The following CNTNAP2 variants were observed in gnomAD, a reference collection of about 807,000 sequenced individuals.
The protein encoded by CNTNAP2 is contactin associated protein 2, also known as contactin-associated protein-like 2.
CNTNAP2 carries 98 observed loss-of-function variants against 155.2 expected under a neutral mutation model. The observed-to-expected ratio is 0.63, with a 90% confidence interval of 0.54 to 0.75. CNTNAP2 has a LOEUF of 0.75. Among genes scored for constraint, CNTNAP2 ranks in the 30% least tolerant of loss-of-function variants. The probability of loss-of-function intolerance (pLI) is 0.00; values close to 1 mark genes in which losing one functional copy is unlikely to be tolerated. For missense variants in CNTNAP2, 1,727 were observed against 1,688.1 expected, an observed-to-expected ratio of 1.02 and a Z score of -0.40; for synonymous variants, 651 against 631.2, an observed-to-expected ratio of 1.03 and a Z score of -0.47.
intron 1 of CNTNAP2, among the ~76,000 whole-genome samples, chr7:146,357,637 A>C (rs1795018555): frequency 6.6e-6 from 1 of 152,224 alleles, no homozygotes; most frequent in South Asian, 2.1e-4. Flanking sequence ...TAGGAAAACA[A>C]AATGTCTCTA....
rs115544188 is a variant in CNTNAP2 at position 147,138,377 on chromosome 7, T to C, written c.1348+5868T>C. 3.7e-3 allele frequency among the ~76,000 whole-genome samples: 557 copies of C among 152,056 alleles called. 3 individuals are homozygous for C. Among genetic ancestry groups the C allele is most frequent in the African/African-American group, 0.013 (539 of 41,520 alleles). ...TAGAAATAAGATACCCTTGGACATA[T>C]CTAAAACATATTTTGCTGATTTTAT... On this transcript the variant is annotated intron_variant, in intron 8 of 23. Coordinates refer to ENST00000361727, the MANE Select transcript of CNTNAP2 (RefSeq NM_014141.6).
chr7:146,403,329 G>T (rs977845160), intron 1 of CNTNAP2, among the ~76,000 whole-genome samples: 1 of 152,032 alleles, frequency 6.6e-6, no homozygotes, highest in South Asian at 2.1e-4. Context: ...GACTAACAAA[G>T]TTTGGGTCAT....
intron 4 of CNTNAP2, among the ~76,000 whole-genome samples, chr7:147,084,427 A>G (rs1378485799): frequency 7.8e-6 from 1 of 128,702 alleles, no homozygotes; most frequent in Non-Finnish European, 1.6e-5. Flanking sequence ...GCATAATGCT[A>G]TATATGTATA....
chr7:146,853,087 C>T (rs965019527), intron 3 of CNTNAP2, among the ~76,000 whole-genome samples: 3 of 152,100 alleles, frequency 2.0e-5, no homozygotes, highest in East Asian at 3.9e-4. Flanking sequence ...ATAAAAGAAA[C>T]CAGACCAATA....
intron 20 of CNTNAP2, among the ~76,000 whole-genome samples, chr7:148,262,570 A>C (rs1351081011): frequency 1.3e-5 from 2 of 151,820 alleles, no homozygotes; most frequent in Non-Finnish European, 2.9e-5. Flanking sequence ...GCCCTTCCTC[A>C]CGTCACTCTA....
chr7:147,476,353 C>A (rs1201272223), intron 10 of CNTNAP2, among the ~76,000 whole-genome samples: 1 of 152,028 alleles, frequency 6.6e-6, no homozygotes, highest in Non-Finnish European at 1.5e-5. Flanking sequence ...GATCCGCCCA[C>A]CTCAGCCTCC....
At chr7:146,769,089 A>G (rs1802249149) in intron 1 of CNTNAP2, among the ~76,000 whole-genome samples, 1 of 152,146 alleles carries the variant, frequency 6.6e-6, no homozygotes, top group African/African-American at 2.4e-5. Flanking sequence ...TGCCTTCATG[A>G]TTGACTGAAA....
intron 13 of CNTNAP2, among the ~76,000 whole-genome samples, chr7:147,856,605 G>A (rs80335962): frequency 0.033 from 4,938 of 149,488 alleles, 137 homozygotes; most frequent in Non-Finnish European, 0.052. Context: ...AAAGAGTGCC[G>A]TAATTATGTT....
At chr7:146,666,209 C>T (rs1252999327) in intron 1 of CNTNAP2, among the ~76,000 whole-genome samples, 3 of 152,010 alleles carry the variant, frequency 2.0e-5, no homozygotes, top group Non-Finnish European at 4.4e-5. Flanking sequence ...ATGAGGTCGG[C>T]TATTTTTAGC....
At chr7:146,443,433 G>A (rs1796356670) in intron 1 of CNTNAP2, among the ~76,000 whole-genome samples, 1 of 151,756 alleles carries the variant, frequency 6.6e-6, no homozygotes, top group South Asian at 2.1e-4. Context: ...ATACCACTAT[G>A]CTCAGGCCTC....
At chr7:147,346,232 G>A (rs899001606) in intron 9 of CNTNAP2, among the ~76,000 whole-genome samples, 24 of 149,298 alleles carry the variant, frequency 1.6e-4, no homozygotes, top group African/African-American at 5.9e-4. Context: ...TCGGCTCACT[G>A]CAAGCTCCGC....
chr7:146,292,934 A>G (rs945153190), intron 1 of CNTNAP2, among the ~76,000 whole-genome samples: 1 of 152,114 alleles, frequency 6.6e-6, no homozygotes, highest in Admixed American at 6.6e-5. Flanking sequence ...CAAGAGAAAT[A>G]CATTATTCTT....
intron 21 of CNTNAP2, among the ~76,000 whole-genome samples, chr7:148,271,187 C>T (rs747054857): frequency 6.6e-6 from 1 of 152,214 alleles, no homozygotes; most frequent in Non-Finnish European, 1.5e-5. Context: ...TTTCTCACAA[C>T]ACCACAGACC....
intron 1 of CNTNAP2, among the ~76,000 whole-genome samples, chr7:146,378,379 C>CGAT (rs754671147): frequency 2.0e-5 from 3 of 151,968 alleles, no homozygotes; most frequent in African/African-American, 7.3e-5. Context: ...TAGATCATGA[C>CGAT]GATGATGATG....
intron 1 of CNTNAP2, among the ~76,000 whole-genome samples, chr7:146,679,212 A>G (rs894542931): frequency 7.9e-5 from 12 of 151,970 alleles, no homozygotes; most frequent in Non-Finnish European, 1.6e-4. Context: ...TTATGTGCCC[A>G]TGTGTTCCCA....
At chr7:147,226,338 T>A (rs1178114506) in intron 8 of CNTNAP2, among the ~76,000 whole-genome samples, 2 of 152,276 alleles carry the variant, frequency 1.3e-5, no homozygotes, top group East Asian at 3.9e-4. Context: ...AGAAACCATT[T>A]CCTTCTTCCT....
At chr7:146,150,872 C>T (rs1016732312) in intron 1 of CNTNAP2, among the ~76,000 whole-genome samples, 1 of 151,798 alleles carries the variant, frequency 6.6e-6, no homozygotes, top group African/African-American at 2.4e-5. Context: ...CTTATTAGTC[C>T]GTTTTCACAC....
Position 147,568,081 on chromosome 7 carries a change from G to T in CNTNAP2, c.1897+5824G>T, listed in dbSNP as rs1009147396. On this transcript the variant is annotated intron_variant, in intron 12 of 23. Coordinates refer to ENST00000361727, the MANE Select transcript of CNTNAP2 (RefSeq NM_014141.6). ...AGCCTGGGCAACACAGCGAGACTCC[G>T]TCTCAAAAAATAAATAAATATAAAA... Among the ~76,000 whole-genome samples, 7 of 151,916 alleles carry T rather than the reference G, an allele frequency of 4.6e-5. No homozygotes were observed. In the East Asian group the frequency reaches 1.4e-3, roughly 29 times the overall value.
intron 12 of CNTNAP2, among the ~76,000 whole-genome samples, chr7:147,601,143 C>A (rs1354366177): frequency 2.0e-5 from 3 of 152,138 alleles, no homozygotes; most frequent in Non-Finnish European, 4.4e-5. Flanking sequence ...TTTATTTGTA[C>A]CTCTGTCTCC....
Sources: allele counts gnomAD v4.1 joint callset (sites outside exome capture counted in the v4.1 genomes callset), GRCh38; gene constraint gnomAD v4.1.1; transcripts MANE v1.5; gene names NCBI Gene and HGNC (gene_info 2026-07-23, HGNC 2026-07-21).